Variants in PDGFRL observed in about 807,000 individuals in gnomAD.
PDGFRL encodes platelet derived growth factor receptor like, also known as platelet-derived growth factor receptor-like protein.
A neutral mutation model predicts 37.2 loss-of-function variants in PDGFRL; 46 were observed. The ratio of observed to expected loss-of-function variants is 1.24; its 90% CI spans 0.98 to 1.58. PDGFRL has a LOEUF of 1.58. Ranked by LOEUF, PDGFRL falls within the 40% of genes most tolerant of loss-of-function variation. The probability of loss-of-function intolerance (pLI) is 0.00; values close to 1 mark genes in which losing one functional copy is unlikely to be tolerated. For synonymous variants in PDGFRL, 251 were observed against 184.3 expected, an observed-to-expected ratio of 1.36 and a Z score of -2.93; for missense variants, 692 against 467.6, an observed-to-expected ratio of 1.48 and a Z score of -4.43.
intron 4 of PDGFRL, 100 bp from the exon 5 acceptor site, chr8:17,633,967 GAAAGGCA>G: frequency 8.5e-7 from 1 of 1,176,022 alleles, no homozygotes; most frequent in Middle Eastern, 2.0e-4. Flanking sequence ...GGAGCTGTGA[GAAAGGCA>G]GAAAATTCCA....
chr8:17,607,416 CA>C (rs1247333891), intron 2 of PDGFRL, among the ~76,000 whole-genome samples: 4 of 152,112 alleles, frequency 2.6e-5, no homozygotes, highest in Non-Finnish European at 4.4e-5. Context: ...AAAAAAACAA[CA>C]AAAAAAGTTT....
In PDGFRL at chr8:17,631,152, A is replaced by G. The variant is rs182258619; in HGVS notation, c.799+2372A>G. ...TGCAGAACGCTGCAACACCCCCCAC[A>G]TTCCTTGGCAAGCAGTTCTCTGAGG... On this transcript the variant is annotated intron_variant, in intron 4 of 5. Transcript: ENST00000251630. Among the ~76,000 whole-genome samples, 6 of 152,058 alleles carry G rather than the reference A, an allele frequency of 3.9e-5. No homozygotes were observed. The East Asian group carries it at 5.8e-4, about 15-fold the overall frequency.
intron 1 of PDGFRL, among the ~76,000 whole-genome samples, chr8:17,580,074 T>G (rs1041903020): frequency 2.6e-5 from 4 of 152,168 alleles, no homozygotes; most frequent in Admixed American, 6.5e-5. Context: ...AACACTGAAG[T>G]GTTAATATTG....
intron 2 of PDGFRL, among the ~76,000 whole-genome samples, chr8:17,615,205 C>T (rs941999582): frequency 3.3e-5 from 5 of 151,982 alleles, no homozygotes; most frequent in South Asian, 2.1e-4. Context: ...AATTAATTAC[C>T]GGATGGTTTA....
intron 2 of PDGFRL, among the ~76,000 whole-genome samples, chr8:17,607,800 A>G (rs1041928196): frequency 1.3e-5 from 2 of 152,244 alleles, no homozygotes; most frequent in African/African-American, 4.8e-5. Flanking sequence ...GCTTTGAAAG[A>G]TATGTCAAAG....
At chr8:17,616,166 G>GTTT (rs1331237066) in intron 2 of PDGFRL, among the ~76,000 whole-genome samples, 50 of 136,750 alleles carry the variant, frequency 3.7e-4, no homozygotes, top group East Asian at 1.3e-3. Context: ...TTTTATTATT[G>GTTT]TTATTATTTA....
intron 5 of PDGFRL, among the ~76,000 whole-genome samples, chr8:17,638,295 T>G (rs1287243196): frequency 6.6e-6 from 1 of 152,190 alleles, no homozygotes; most frequent in Non-Finnish European, 1.5e-5. Context: ...GTGATTTCAT[T>G]CTTGACCCAG....
intron 1 of PDGFRL, among the ~76,000 whole-genome samples, chr8:17,582,170 C>G (rs1021640582): frequency 2.6e-5 from 4 of 152,146 alleles, no homozygotes; most frequent in Non-Finnish European, 4.4e-5. Flanking sequence ...AAGAACTTGG[C>G]TGCATTGTGT....
chr8:17,579,554 T>TTAA (rs1347122768), intron 1 of PDGFRL, among the ~76,000 whole-genome samples: 111 of 71,462 alleles, frequency 1.6e-3, no homozygotes, highest in African/African-American at 6.2e-3. Context: ...TTTATTATTA[T>TTAA]TGTTATTATT....
chr8:17,628,855 A>G, intron 4 of PDGFRL, 75 bp downstream of exon 4: 1 of 957,930 alleles, frequency 1.0e-6, no homozygotes. Flanking sequence ...CCCTGCCTGC[A>G]GATGGAATAA....
At chr8:17,623,976 T>C (rs918839034) in intron 3 of PDGFRL, among the ~76,000 whole-genome samples, 2 of 151,920 alleles carry the variant, frequency 1.3e-5, no homozygotes, top group Non-Finnish European at 1.5e-5. Flanking sequence ...CTAAAATATA[T>C]TCATTCCAAC....
At chr8:17,613,293 G>A (rs140948462) in intron 2 of PDGFRL, among the ~76,000 whole-genome samples, 5 of 152,286 alleles carry the variant, frequency 3.3e-5, no homozygotes, top group Admixed American at 6.5e-5. Context: ...GGGGATATAC[G>A]CTTCTCATTT....
chr8:17,604,890 A>G (rs2720485), intron 2 of PDGFRL, among the ~76,000 whole-genome samples: 148,530 of 152,112 alleles, frequency 0.98, 72,601 homozygotes, highest in Middle Eastern at 1. Flanking sequence ...GAGGCGGGTG[A>G]ATCACTTGAG....
At chr8:17,610,968 G>C (rs1362868523) in intron 2 of PDGFRL, among the ~76,000 whole-genome samples, 2 of 152,230 alleles carry the variant, frequency 1.3e-5, no homozygotes, top group East Asian at 3.8e-4. Flanking sequence ...TCTCTACATG[G>C]TGAGTGCCTA....
chr8:17,630,907 ACTT>A (rs1216299763), intron 4 of PDGFRL, among the ~76,000 whole-genome samples: 2 of 151,918 alleles, frequency 1.3e-5, no homozygotes, highest in Non-Finnish European at 2.9e-5. Context: ...GCTTGTATGA[ACTT>A]CTTTGCTCTG....
intron 1 of PDGFRL, among the ~76,000 whole-genome samples, chr8:17,584,994 G>A (rs1166433238): frequency 3.4e-5 from 5 of 146,178 alleles, no homozygotes; most frequent in Middle Eastern, 3.5e-3. Context: ...TGAGTTTTCC[G>A]GGAAAGGGAC....
chr8:17,581,543 C>T (rs1488198309), intron 1 of PDGFRL, among the ~76,000 whole-genome samples: 1 of 152,082 alleles, frequency 6.6e-6, no homozygotes, highest in Non-Finnish European at 1.5e-5. Flanking sequence ...GAGGTAGGGC[C>T]TCATGGGAGG....
At chr8:17,609,479 A>G (rs1362930734) in intron 2 of PDGFRL, among the ~76,000 whole-genome samples, 2 of 151,440 alleles carry the variant, frequency 1.3e-5, no homozygotes, top group Admixed American at 6.6e-5. Context: ...TGTCTGGAAA[A>G]AAAAAAAAAT....
chr8:17,627,363 T>C lies in PDGFRL; in HGVS notation c.506-1124T>C, dbSNP rs189647517. 2.0e-5 allele frequency among the ~76,000 whole-genome samples: 3 copies of C among 152,320 alleles called. No homozygotes were observed. In the East Asian group the frequency reaches 5.8e-4, roughly 29 times the overall value. ...TTGTCTACTTTAAGTAATACGTGTG[T>C]CATCTACATGAGTGGATGTAAATAC... is the stretch of plus-strand genomic sequence containing the variant. On this transcript the variant is annotated intron_variant, in intron 3 of 5. Transcript: ENST00000251630.
Sources: allele counts gnomAD v4.1 joint callset (sites outside exome capture counted in the v4.1 genomes callset), GRCh38; gene constraint gnomAD v4.1.1; transcripts MANE v1.5; gene names NCBI Gene and HGNC (gene_info 2026-07-23, HGNC 2026-07-21).